Variants in TNFRSF19 observed in about 807,000 individuals in gnomAD.
TNFRSF19 encodes the protein TNF receptor superfamily member 19, also known as tumor necrosis factor receptor superfamily member 19.
TNFRSF19 carries 27 observed loss-of-function variants against 46.4 expected under a neutral mutation model. The ratio of observed to expected loss-of-function variants is 0.58; its 90% CI spans 0.43 to 0.80. TNFRSF19 has a LOEUF of 0.80. Among genes scored for constraint, TNFRSF19 ranks in the 30% least tolerant of loss-of-function variants. The pLI, the probability that TNFRSF19 is intolerant of heterozygous loss-of-function variation, is 0.00. For synonymous variants in TNFRSF19, 204 were observed against 205.0 expected (o/e 1.00, Z 0.04); for missense variants, 511 against 530.8 (o/e 0.96, Z 0.37).
At chr13:23,636,280 C>G (rs150755031) in intron 5 of TNFRSF19, among the ~76,000 whole-genome samples, 9 of 152,158 alleles carry the variant, frequency 5.9e-5, no homozygotes, top group Non-Finnish European at 1.0e-4. Flanking sequence ...TGCCAGGGGT[C>G]GTAGGAGGCA....
At chr13:23,651,893 TAAA>T (rs34023907) in intron 5 of TNFRSF19, among the ~76,000 whole-genome samples, 1 of 9,966 alleles carries the variant, frequency 1.0e-4, no homozygotes, top group Non-Finnish European at 1.8e-4. Flanking sequence ...CATAACATGC[TAAA>T]AAAAAAAAAA....
chr13:23,638,729 C>T (rs1271311163), intron 5 of TNFRSF19, among the ~76,000 whole-genome samples: 1 of 152,114 alleles, frequency 6.6e-6, no homozygotes, highest in Non-Finnish European at 1.5e-5. Context: ...CTTCAGGATC[C>T]CTCTTACTGC....
chr13:23,635,960 C>G (rs75911749), intron 5 of TNFRSF19, among the ~76,000 whole-genome samples: 4,778 of 152,084 alleles, frequency 0.031, 117 homozygotes, highest in African/African-American at 0.064. Context: ...AATCATTTCC[C>G]CCATCATGAT....
chr13:23,668,629 C>T, intron 8 of TNFRSF19, 63 bp from the exon 9 acceptor site: 1 of 1,524,946 alleles, frequency 6.6e-7, no homozygotes, highest in Non-Finnish European at 8.8e-7. Flanking sequence ...GGCTGACATG[C>T]TTCTTTGTAG....
rs747287449 is a variant in TNFRSF19, at chr13:23,659,039, T to C, written c.446-11T>C. 1 of 1,613,078 alleles carries C rather than the reference T, an allele frequency of 6.2e-7. No individual in the cohort carries two copies. The highest frequency in any genetic ancestry group is 8.5e-7 in the Non-Finnish European group (1 of 1,180,012). ...GTTCAGAGCATGCTGACCCCATTCC[T>C]GTGGTTTCAGGTGCCAGCAAGGTCA... On this transcript the variant is annotated splice_polypyrimidine_tract_variant and intron_variant, in intron 5 of 9. Coordinates refer to ENST00000248484, the MANE Select transcript of TNFRSF19 (RefSeq NM_148957.4). The surrounding 1 kb of genome is among the most constrained non-coding windows in gnomAD (Gnocchi z 4.9).
chr13:23,592,209 A>G (rs1214028962), intron 2 of TNFRSF19, among the ~76,000 whole-genome samples: 1 of 152,150 alleles, frequency 6.6e-6, no homozygotes, highest in Non-Finnish European at 1.5e-5. Flanking sequence ...ACTGTGTGGT[A>G]AGCATTAGAC....
chr13:23,576,894 G>T (rs1159194536), intron 1 of TNFRSF19, among the ~76,000 whole-genome samples: 1 of 152,146 alleles, frequency 6.6e-6, no homozygotes, highest in Non-Finnish European at 1.5e-5. Flanking sequence ...AGAATTAGAT[G>T]AATCTAACAG....
At chr13:23,588,719 C>T (rs911063717) in intron 1 of TNFRSF19, among the ~76,000 whole-genome samples, 5 of 152,192 alleles carry the variant, frequency 3.3e-5, no homozygotes, top group Non-Finnish European at 5.9e-5. Context: ...TATCTTCTCA[C>T]CCTAACCCTG....
chr13:23,593,238 T>A (rs1310547542), intron 2 of TNFRSF19, 107 bp from the exon 3 acceptor site: 1 of 612,224 alleles, frequency 1.6e-6, no homozygotes, highest in Non-Finnish European at 2.8e-6. Flanking sequence ...GAACTGATAT[T>A]TACATTCAGT....
rs1276857277 is a variant in TNFRSF19 at position 23,615,927 on chromosome 13, AAGG to A, written c.246_248del (p.Glu82del). ...TGTGACGTGCCGGCTGCACAGGTTCAAGGAGGACTGGGGCTTCCAGAAATGCAA... is the reference window on the plus strand; with the variant it reads ...TGTGACGTGCCGGCTGCACAGGTTCAAGGACTGGGGCTTCCAGAAATGCAA... On this transcript the variant is annotated inframe_deletion, in exon 4 of 10. Transcript: ENST00000248484. 6.2e-7 allele frequency: 1 copy of A among 1,614,000 alleles called. No individual in the cohort carries two copies. Among genetic ancestry groups the A allele is most frequent in the Non-Finnish European group, 8.5e-7 (1 of 1,179,892 alleles).
At chr13:23,649,844 A>G (rs1269876471) in intron 5 of TNFRSF19, among the ~76,000 whole-genome samples, 1 of 152,060 alleles carries the variant, frequency 6.6e-6, no homozygotes. Context: ...GCATTTTCAT[A>G]TATTTGTGAA....
intron 4 of TNFRSF19, among the ~76,000 whole-genome samples, chr13:23,616,616 CTT>C (rs780813062): frequency 3.9e-5 from 6 of 152,234 alleles, no homozygotes; most frequent in Non-Finnish European, 5.9e-5. Context: ...GAATTTCGCT[CTT>C]GTCACCCAGG....
intron 4 of TNFRSF19, among the ~76,000 whole-genome samples, chr13:23,618,436 A>G (rs1034179072): frequency 4.6e-5 from 7 of 152,206 alleles, no homozygotes; most frequent in African/African-American, 1.4e-4. Flanking sequence ...TGCAAATCAA[A>G]CCCACATTCT....
chr13:23,599,012 A>G (rs1324974931), intron 3 of TNFRSF19, among the ~76,000 whole-genome samples: 1 of 152,238 alleles, frequency 6.6e-6, no homozygotes, highest in Non-Finnish European at 1.5e-5. Context: ...TGCATTCTGC[A>G]AGTGGCTTCT....
chr13:23,613,507 C>A (rs1881043147), intron 3 of TNFRSF19, among the ~76,000 whole-genome samples: 1 of 152,216 alleles, frequency 6.6e-6, no homozygotes, highest in South Asian at 2.1e-4. Context: ...GCACCTCTTT[C>A]TCTGCATTCT....
intron 5 of TNFRSF19, among the ~76,000 whole-genome samples, chr13:23,658,203 A>G (rs1370804665): frequency 6.6e-6 from 1 of 152,186 alleles, no homozygotes; most frequent in East Asian, 1.9e-4. Context: ...GGTAATTACT[A>G]TCATCATCAT....
chr13:23,577,604 T>C (rs1878050236), intron 1 of TNFRSF19, among the ~76,000 whole-genome samples: 1 of 152,182 alleles, frequency 6.6e-6, no homozygotes, highest in African/African-American at 2.4e-5. Context: ...AGGCTCAGAA[T>C]TGAGGGAAAA....
At chr13:23,630,854 G>A (rs888238102) in intron 5 of TNFRSF19, among the ~76,000 whole-genome samples, 14 of 151,688 alleles carry the variant, frequency 9.2e-5, no homozygotes, top group African/African-American at 2.9e-4. Context: ...AATTCAAAGG[G>A]GTTTTCACCA....
At chr13:23,623,313 T>C (rs576955657) in intron 4 of TNFRSF19, among the ~76,000 whole-genome samples, 1 of 152,342 alleles carries the variant, frequency 6.6e-6, no homozygotes, top group African/African-American at 2.4e-5. Context: ...ACTAATAATA[T>C]TTCATTCTGT....
Sources: gnomAD v4.1 joint callset for allele counts (sites outside exome capture counted in the v4.1 genomes callset) on GRCh38, gnomAD v4.1.1 for gene constraint, Gnocchi (gnomAD v3.1) non-coding constraint, MANE v1.5 for transcripts, NCBI Gene and HGNC (gene_info 2026-07-23, HGNC 2026-07-21) for gene names.